The following EDA variants were observed in gnomAD, a reference collection of about 807,000 sequenced individuals.
EDA encodes the protein ectodysplasin A.
Under a neutral mutation model 23.6 loss-of-function variants are expected in EDA, and 2 were observed. That is an observed-to-expected ratio of 0.08 (90% confidence interval 0.03 to 0.27). The LOEUF is 0.27. Ranked by LOEUF, EDA falls within the 10% of genes least tolerant of loss-of-function variation. The pLI, the probability that EDA is intolerant of heterozygous loss-of-function variation, is 1.00. For missense variants in EDA, 229 were observed against 324.2 expected (o/e 0.71, Z 2.26); for synonymous variants, 131 against 132.0 (o/e 0.99, Z 0.05).
At chrX:69,662,275 A>T in intron 1 of EDA, among the ~76,000 whole-genome samples, 1 of 111,706 alleles carries the variant, frequency 9.0e-6, no homozygotes, top group Non-Finnish European at 1.9e-5. Flanking sequence ...TAGCTCCCAT[A>T]ATTCCCACAT....
At chrX:69,940,955 TC>T (rs2147688284) in intron 1 of EDA, among the ~76,000 whole-genome samples, 1 of 111,885 alleles carries the variant, frequency 8.9e-6, no homozygotes, top group South Asian at 3.7e-4. Flanking sequence ...TCCCATAGGT[TC>T]TTGTATGTTG....
chrX:70,004,993 G>A (rs2019784094), intron 2 of EDA, among the ~76,000 whole-genome samples: 1 of 111,620 alleles, frequency 9.0e-6, no homozygotes, highest in Non-Finnish European at 1.9e-5. Context: ...CTACTTGGGA[G>A]GCTGAGGCAG....
At position 69,693,107 on chromosome X, in the gene EDA, C is replaced by G. The variant is rs1024373428; in HGVS notation, c.396+76403C>G. 1.3e-4 allele frequency: 15 copies of G among 111,529 alleles called. No homozygotes were observed. The Middle Eastern group carries it at 0.014, about 103-fold the overall frequency. The allele number at this position is 111,529 out of a possible 1,213,427, so 9.2% of individuals were successfully genotyped here. A position where few individuals can be genotyped will look rare whatever the true frequency, so the allele number is the denominator to read the frequency against. On this transcript the variant is annotated intron_variant, in intron 1 of 7. Transcript: ENST00000374552. ...TTGCCATTTGCCATTAATGATTGTTCTTCTTTTCTTTGGGGAGAATAAGAG... is the reference window on the plus strand; with the variant it reads ...TTGCCATTTGCCATTAATGATTGTTGTTCTTTTCTTTGGGGAGAATAAGAG...
intron 1 of EDA, among the ~76,000 whole-genome samples, chrX:69,689,007 GT>G (rs745935835): frequency 9.0e-5 from 10 of 111,547 alleles, no homozygotes; most frequent in Admixed American, 8.6e-4. Flanking sequence ...GTTGAAGACT[GT>G]TTTTCCCCTA....
At chrX:69,712,825 T>C (rs1489695338) in intron 1 of EDA, among the ~76,000 whole-genome samples, 12 of 110,918 alleles carry the variant, frequency 1.1e-4, no homozygotes, top group African/African-American at 3.3e-4. Context: ...TGTCCAACAA[T>C]GATAGACTGG....
intron 1 of EDA, among the ~76,000 whole-genome samples, chrX:69,806,494 T>C (rs2015819156): frequency 9.0e-6 from 1 of 111,257 alleles, no homozygotes; most frequent in Non-Finnish European, 1.9e-5. Flanking sequence ...TGGAAGGCAC[T>C]GTGCTATGTG....
chrX:69,709,769 A>G (rs2011896105), intron 1 of EDA, among the ~76,000 whole-genome samples: 1 of 112,323 alleles, frequency 8.9e-6, no homozygotes, highest in African/African-American at 3.2e-5. Flanking sequence ...AACTGGGACT[A>G]TAGGCATGGG....
chrX:69,944,616 G>C (rs2018808680), intron 1 of EDA, among the ~76,000 whole-genome samples: 1 of 111,337 alleles, frequency 9.0e-6, no homozygotes, highest in South Asian at 3.8e-4. Context: ...CTCTCCTGGA[G>C]CTGTAAGCTG....
At chrX:69,688,286 G>A (rs1286940223) in intron 1 of EDA, among the ~76,000 whole-genome samples, 1 of 111,953 alleles carries the variant, frequency 8.9e-6, no homozygotes, top group East Asian at 2.8e-4. Context: ...CTCTATGTCA[G>A]TGAAAACTTT....
chrX:69,901,936 G>A (rs1404435367), intron 1 of EDA, among the ~76,000 whole-genome samples: 4 of 111,768 alleles, frequency 3.6e-5, no homozygotes, highest in Admixed American at 9.5e-5. Flanking sequence ...GGGCAGATAT[G>A]GTTTCTTATT....
At chrX:69,743,861 T>C (rs2013535694) in intron 1 of EDA, among the ~76,000 whole-genome samples, 2 of 111,782 alleles carry the variant, frequency 1.8e-5, no homozygotes, top group South Asian at 7.5e-4. Flanking sequence ...TTCCATCTGG[T>C]CTGAATCAAT....
intron 1 of EDA, among the ~76,000 whole-genome samples, chrX:69,713,312 A>T (rs1218172887): frequency 8.9e-6 from 1 of 112,015 alleles, no homozygotes. Flanking sequence ...AGTTTACAGA[A>T]CTATAGTATA....
intron 1 of EDA, among the ~76,000 whole-genome samples, chrX:69,925,230 G>A (rs2018496612): frequency 9.0e-6 from 1 of 111,690 alleles, no homozygotes; most frequent in Admixed American, 9.5e-5. Context: ...TCCTGTGCTG[G>A]TTTTCAAAGG....
rs1280629979 is a variant in EDA at position 69,621,520 on chromosome X, C to G, written c.396+4816C>G. ...TACACCCTATTGTTATCACTATATC[C>G]TCCTCACTCTCTCAAGTTCTGACAT... On this transcript the variant is annotated intron_variant, in intron 1 of 7. Transcript: ENST00000374552. Among the ~76,000 whole-genome samples, 4 of 111,688 alleles carry G rather than the reference C, an allele frequency of 3.6e-5. No individual in the cohort carries two copies. The Admixed American group carries it at 3.8e-4, about 11-fold the overall frequency.
intron 1 of EDA, among the ~76,000 whole-genome samples, chrX:69,749,923 T>C (rs2428153): frequency 0.47 from 18,378 of 38,917 alleles, 3,995 homozygotes; most frequent in East Asian, 0.68. Context: ...ACTAAGGTTC[T>C]TTTTTTTTTT....
At chrX:69,634,391 C>T (rs751068456) in intron 1 of EDA, among the ~76,000 whole-genome samples, 1 of 111,343 alleles carries the variant, frequency 9.0e-6, no homozygotes, top group South Asian at 3.8e-4. Context: ...CGGCTCACTG[C>T]GACCTCCATC....
intron 2 of EDA, 74 bp downstream of exon 2, chrX:69,957,206 T>C (rs2019022681): frequency 3.0e-6 from 3 of 999,871 alleles, no homozygotes; most frequent in Non-Finnish European, 4.2e-6. Flanking sequence ...AGAACTACCT[T>C]CTTGGTAGGG....
At chrX:70,002,947 C>T (rs1417075156) in intron 2 of EDA, among the ~76,000 whole-genome samples, 1 of 112,411 alleles carries the variant, frequency 8.9e-6, no homozygotes, top group African/African-American at 3.2e-5. Flanking sequence ...ACCAGATTGA[C>T]AAAGCACTAT....
chrX:69,835,144 C>A (rs1261207427), intron 1 of EDA, among the ~76,000 whole-genome samples: 1 of 78,895 alleles, frequency 1.3e-5, no homozygotes, highest in East Asian at 2.9e-4. Context: ...CTGCCCTTAA[C>A]ACTTTTTCCT....
Sources: allele counts gnomAD v4.1 joint callset (sites outside exome capture counted in the v4.1 genomes callset), GRCh38; gene constraint gnomAD v4.1.1; transcripts MANE v1.5; gene names NCBI Gene and HGNC (gene_info 2026-07-23, HGNC 2026-07-21).